The following DMD variants were observed in gnomAD, a reference collection of about 807,000 sequenced individuals.
DMD encodes the protein mutant dystrophin.
A neutral mutation model predicts 330.1 loss-of-function variants in DMD; 63 were observed. The observed-to-expected ratio is 0.19, with a 90% CI of 0.16 to 0.24. The LOEUF (loss-of-function observed/expected upper bound fraction) is 0.24, where lower values mean the gene tolerates loss of function less well. Among genes scored for constraint, DMD ranks in the 10% least tolerant of loss-of-function variants. The probability of loss-of-function intolerance (pLI) is 1.00; values close to 1 mark genes in which losing one functional copy is unlikely to be tolerated. For synonymous variants in DMD, 1,223 were observed against 959.8 expected, an observed-to-expected ratio of 1.27 and a Z score of -5.07; for missense variants, 3,344 against 2,684.1, an observed-to-expected ratio of 1.25 and a Z score of -5.43.
chrX:32,900,715 T>G (rs1407287144), intron 2 of DMD, among the ~76,000 whole-genome samples: 1 of 111,141 alleles, frequency 9.0e-6, no homozygotes, highest in East Asian at 2.8e-4. Context: ...CTTACACATG[T>G]AAATCTTATA....
At chrX:32,563,733 G>C (rs996005820) in intron 16 of DMD, among the ~76,000 whole-genome samples, 1 of 111,931 alleles carries the variant, frequency 8.9e-6, no homozygotes, top group Non-Finnish European at 1.9e-5. Context: ...TCATCAAAAA[G>C]TAGTCCCATT....
chrX:32,845,487 C>T (rs770447632), intron 3 of DMD, among the ~76,000 whole-genome samples: 1 of 111,591 alleles, frequency 9.0e-6, no homozygotes, highest in Non-Finnish European at 1.9e-5. Flanking sequence ...TTATGATAAC[C>T]TGTTTTATTT....
chrX:32,325,498 T>C (rs1772862673), intron 41 of DMD, among the ~76,000 whole-genome samples: 1 of 111,852 alleles, frequency 8.9e-6, no homozygotes, highest in African/African-American at 3.2e-5. Flanking sequence ...AGGCATGTAC[T>C]ACTAATTGGC....
intron 63 of DMD, among the ~76,000 whole-genome samples, chrX:31,244,653 G>A (rs2048661730): frequency 8.9e-6 from 1 of 111,877 alleles, no homozygotes; most frequent in Non-Finnish European, 1.9e-5. Flanking sequence ...AATAAGAGAA[G>A]ACTTATGATT....
chrX:33,120,309 G>T (rs1475958553), intron 1 of DMD, among the ~76,000 whole-genome samples: 1 of 111,680 alleles, frequency 9.0e-6, no homozygotes, highest in African/African-American at 3.2e-5. Context: ...AGTCCTGCTG[G>T]TGAATCTCTG....
rs778973278 is a variant in DMD, at chrX:32,348,461, T to A, written c.5393A>T (p.Glu1798Val). 14 of 1,204,587 alleles carry A rather than the reference T, an allele frequency of 1.2e-5. No individual in the cohort carries two copies. In the Admixed American group the frequency reaches 2.6e-4, roughly 23 times the overall value. Residue 1798 changes from glutamate (E) to valine (V), a missense_variant, in exon 38 of 79, where the codon GAG (glutamate) becomes GTG (valine). Coordinates refer to ENST00000357033, the MANE Select transcript of DMD (RefSeq NM_004006.3). ...ATTCACCCCCTGCTGAATTTCAGCCTCCAGTGGTTCAAGCAATTTTTGTAT... is the reference window on the plus strand; with the variant it reads ...ATTCACCCCCTGCTGAATTTCAGCCACCAGTGGTTCAAGCAATTTTTGTAT... ...SDIQKLLEPLEAEIQQGVNLK... is the reference protein window; with the variant it reads ...SDIQKLLEPLVAEIQQGVNLK...
At chrX:31,158,719 A>G (rs1177886819) in intron 74 of DMD, among the ~76,000 whole-genome samples, 7 of 112,281 alleles carry the variant, frequency 6.2e-5, no homozygotes, top group Non-Finnish European at 1.1e-4. Context: ...CTTATAGCAC[A>G]AAAGATATTA....
chrX:32,386,895 G>A (rs1291860825), intron 32 of DMD, among the ~76,000 whole-genome samples: 2 of 110,065 alleles, frequency 1.8e-5, no homozygotes, highest in Non-Finnish European at 3.8e-5. Flanking sequence ...CAATCAGATA[G>A]TATTTGAATC....
At chrX:32,036,022 TG>T (rs1347034217) in intron 44 of DMD, among the ~76,000 whole-genome samples, 1 of 111,197 alleles carries the variant, frequency 9.0e-6, no homozygotes, top group Non-Finnish European at 1.9e-5. Context: ...AAGGGAGGAA[TG>T]GCAAAGGTTA....
At chrX:32,926,189 G>T (rs901322334) in intron 2 of DMD, among the ~76,000 whole-genome samples, 1 of 112,054 alleles carries the variant, frequency 8.9e-6, no homozygotes, top group African/African-American at 3.2e-5. Flanking sequence ...AGTGCAATAA[G>T]CCAGGCACAG....
intron 43 of DMD, among the ~76,000 whole-genome samples, chrX:32,225,900 A>G (rs906771571): frequency 3.6e-5 from 4 of 111,610 alleles, no homozygotes; most frequent in African/African-American, 9.8e-5. Context: ...ACCCAGTCTC[A>G]GGTATTTCTT....
intron 49 of DMD, among the ~76,000 whole-genome samples, chrX:31,835,638 G>A (rs1259748267): frequency 9.0e-6 from 1 of 111,515 alleles, no homozygotes; most frequent in African/African-American, 3.3e-5. Context: ...AAGCTCAGGT[G>A]CAAACTTCAA....
At chrX:33,096,021 C>T (rs1358855999) in intron 1 of DMD, among the ~76,000 whole-genome samples, 5 of 80,728 alleles carry the variant, frequency 6.2e-5, no homozygotes, top group Admixed American at 2.0e-4. Flanking sequence ...GTCACCCAGG[C>T]TGGAGTGCAG....
At chrX:33,185,954 T>C (rs1384827436) in intron 1 of DMD, among the ~76,000 whole-genome samples, 1 of 112,205 alleles carries the variant, frequency 8.9e-6, no homozygotes, top group African/African-American at 3.2e-5. Context: ...TCTTTGCATA[T>C]GCATTACATT....
rs765580290 is a variant in DMD at position 32,335,993 on chromosome X, TG to T, written c.5922+6106del. ...TGTGTATAACATGTTATATATAACG[TG>T]TATATATAACGTTATATATAACGTG... On this transcript the variant is annotated intron_variant, in intron 41 of 78. Transcript: ENST00000357033. Among the ~76,000 whole-genome samples the T allele has an allele frequency of 4.9e-3, 148 of 30,359 alleles. 1 individual carries two copies. Among genetic ancestry groups the T allele is most frequent in the Middle Eastern group, 0.022 (1 of 45 alleles). The allele number at this position is 30,359 out of a possible 115,157, so 26.4% of individuals were successfully genotyped here.
chrX:32,428,765 C>T (rs2098223673), intron 29 of DMD, among the ~76,000 whole-genome samples: 1 of 110,984 alleles, frequency 9.0e-6, no homozygotes, highest in Non-Finnish European at 1.9e-5. Flanking sequence ...GCGTGCACCA[C>T]CACAGCTGGT....
intron 60 of DMD, among the ~76,000 whole-genome samples, chrX:31,413,164 G>A (rs752175096): frequency 8.9e-6 from 1 of 112,080 alleles, no homozygotes; most frequent in South Asian, 3.7e-4. Flanking sequence ...AGAGATTAAT[G>A]GAACATTTGT....
At chrX:32,314,234 A>G (rs1253269148) in intron 41 of DMD, among the ~76,000 whole-genome samples, 2 of 111,878 alleles carry the variant, frequency 1.8e-5, no homozygotes, top group Non-Finnish European at 3.8e-5. Flanking sequence ...GGCCTCAGAA[A>G]TATCACCACA....
chrX:33,138,974 T>G (rs1218749770), intron 1 of DMD, among the ~76,000 whole-genome samples: 1 of 111,444 alleles, frequency 9.0e-6, no homozygotes, highest in Non-Finnish European at 1.9e-5. Flanking sequence ...AATGTGTTTC[T>G]CCAGCTTACT....
Sources: allele counts gnomAD v4.1 joint callset (sites outside exome capture counted in the v4.1 genomes callset), GRCh38; gene constraint gnomAD v4.1.1; transcripts MANE v1.5; gene names NCBI Gene and HGNC (gene_info 2026-07-23, HGNC 2026-07-21).